The following PKHD1L1 variants were observed in gnomAD, a reference collection of about 807,000 sequenced individuals.
The protein encoded by PKHD1L1 is PKHD1 like 1.
A neutral mutation model predicts 462.9 loss-of-function variants in PKHD1L1; 434 were observed. The observed-to-expected ratio is 0.94, with a 90% CI of 0.87 to 1.02. The LOEUF (loss-of-function observed/expected upper bound fraction) is 1.02. Among genes scored for constraint, PKHD1L1 ranks in the 50% least tolerant of loss-of-function variants. The pLI is 0.00. For synonymous variants in PKHD1L1, 1,781 were observed against 1,750.0 expected, an observed-to-expected ratio of 1.02 and a Z score of -0.44; for missense variants, 5,202 against 5,096.1, an observed-to-expected ratio of 1.02 and a Z score of -0.63.
chr8:109,470,552 C>A, intron 50 of PKHD1L1: 1 of 1,608,292 alleles, frequency 6.2e-7, no homozygotes, highest in Admixed American at 1.7e-5. Context: ...TCCTTTATTG[C>A]AGGAACTATT....
At chr8:109,373,378 A>G (rs1811623738) in intron 2 of PKHD1L1, among the ~76,000 whole-genome samples, 1 of 151,988 alleles carries the variant, frequency 6.6e-6, no homozygotes, top group Non-Finnish European at 1.5e-5. Context: ...TATTGTGTCT[A>G]TTTGATTCTT....
chr8:109,490,030 C>A lies in PKHD1L1; in HGVS notation c.9959C>A (p.Ala3320Asp). The change falls in exon 60 of 78, where the codon GCT (alanine) becomes GAT (aspartate). Residue 3320 changes from alanine to aspartate, a missense_variant. By Grantham distance (126) the Ala-to-Asp change is moderately radical. This residue lies in a region of PKHD1L1 where 4,497 missense variants were observed against 4,336.8 expected (regional missense o/e 1.04). Transcript: ENST00000378402. ...GFRDSTDPRYAVTFLNLGQIQ... is the reference protein window; with the variant it reads ...GFRDSTDPRYDVTFLNLGQIQ... Reference sequence around the variant, plus strand: ...AGGGATAGCACAGATCCAAGATATGCTGTAACGTTTCTTAACCTAGGACAG... The same window carrying A: ...AGGGATAGCACAGATCCAAGATATGATGTAACGTTTCTTAACCTAGGACAG... 6.2e-7 allele frequency: 1 copy of A among 1,605,932 alleles called. No individual in the cohort carries two copies. The highest frequency in any genetic ancestry group is 8.5e-7 in the Non-Finnish European group (1 of 1,174,130).
chr8:109,433,629 T>C (rs569040990), intron 28 of PKHD1L1, among the ~76,000 whole-genome samples: 2 of 152,310 alleles, frequency 1.3e-5, no homozygotes, highest in Non-Finnish European at 1.5e-5. Flanking sequence ...TCCAGTCCCA[T>C]TGAACCTCTC....
At chr8:109,451,258 C>T (rs922832236) in intron 41 of PKHD1L1, 109 bp downstream of exon 41, 1 of 1,160,658 alleles carries the variant, frequency 8.6e-7, no homozygotes, top group Non-Finnish European at 1.2e-6. Context: ...GCAATGTGTA[C>T]CTATATGCTC....
intron 21 of PKHD1L1, among the ~76,000 whole-genome samples, chr8:109,414,985 TATTATTATTATTA>T (rs1183486804): frequency 2.0e-5 from 3 of 147,092 alleles, no homozygotes; most frequent in African/African-American, 7.5e-5. Context: ...TTATTATTAT[TATTATTATTATTA>T]TTATTATTAT....
Position 109,433,574 on chromosome 8 carries a change from T to TTTTGACA in PKHD1L1, c.3340+359_3340+365dup, listed in dbSNP as rs1374339091. Among the ~76,000 whole-genome samples, 10 of 152,262 alleles carry TTTTGACA rather than the reference T, an allele frequency of 6.6e-5. No homozygotes were observed. The East Asian group carries it at 1.7e-3, about 26-fold the overall frequency. On this transcript the variant is annotated intron_variant, in intron 28 of 77. Coordinates refer to ENST00000378402, the MANE Select transcript of PKHD1L1 (RefSeq NM_177531.6). ...TGTTCCATGGTCCTGTCTGCCCATG[T>TTTTGACA]TTTGACAATGCCATGCAGGAAGAGG...
At chr8:109,369,629 A>ATG (rs1811397315) in intron 2 of PKHD1L1, among the ~76,000 whole-genome samples, 1 of 151,452 alleles carries the variant, frequency 6.6e-6, no homozygotes, top group African/African-American at 2.4e-5. Context: ...AGGAAAATAT[A>ATG]TATATATATA....
At chr8:109,500,765 G>A (rs964890179) in intron 67 of PKHD1L1, among the ~76,000 whole-genome samples, 2 of 151,704 alleles carry the variant, frequency 1.3e-5, no homozygotes, top group Non-Finnish European at 2.9e-5. Flanking sequence ...ACTAACAGTG[G>A]GCATATACCC....
At chr8:109,482,379 T>C (rs898507917) in intron 56 of PKHD1L1, among the ~76,000 whole-genome samples, 1 of 151,820 alleles carries the variant, frequency 6.6e-6, no homozygotes, top group African/African-American at 2.4e-5. Flanking sequence ...TAGAACAGTA[T>C]GAAGAAAACA....
At chr8:109,387,836 GAT>G (rs1812513576) in intron 6 of PKHD1L1, among the ~76,000 whole-genome samples, 2 of 152,136 alleles carry the variant, frequency 1.3e-5, no homozygotes, top group Non-Finnish European at 2.9e-5. Context: ...CCCAAAAGCT[GAT>G]AGTTTATTCT....
intron 21 of PKHD1L1, among the ~76,000 whole-genome samples, chr8:109,414,408 A>G (rs1814021753): frequency 6.6e-6 from 1 of 152,148 alleles, no homozygotes; most frequent in African/African-American, 2.4e-5. Context: ...TCTCTCTACA[A>G]TTGTAGAAGT....
intron 45 of PKHD1L1, among the ~76,000 whole-genome samples, chr8:109,455,502 T>C (rs1816770833): frequency 6.6e-6 from 1 of 152,186 alleles, no homozygotes; most frequent in African/African-American, 2.4e-5. Context: ...GTAGTACCTG[T>C]CTGTGATTGC....
At chr8:109,392,268 C>T (rs796395142) in intron 9 of PKHD1L1, among the ~76,000 whole-genome samples, 6 of 152,198 alleles carry the variant, frequency 3.9e-5, no homozygotes, top group African/African-American at 1.4e-4. Context: ...GTATGAAAGG[C>T]ATTAATTGCC....
At chr8:109,420,112 A>G (rs1019499680) in intron 22 of PKHD1L1, among the ~76,000 whole-genome samples, 6 of 152,224 alleles carry the variant, frequency 3.9e-5, no homozygotes, top group Admixed American at 6.5e-5. Flanking sequence ...AGAGCAATGA[A>G]GATGACAATC....
chr8:109,508,272 T>A lies in PKHD1L1; in HGVS notation c.11395+8T>A, dbSNP rs559522348. ...ATGTTGATCTTATTAATGGTAGGTA[T>A]TCAATATGAGTAAACTACAATTACT... On this transcript the variant is annotated splice_region_variant and intron_variant, in intron 70 of 77. Coordinates refer to ENST00000378402, the MANE Select transcript of PKHD1L1 (RefSeq NM_177531.6). The A allele has an allele frequency of 1.1e-5, 17 of 1,594,206 alleles. No homozygotes were observed. In the Admixed American group the frequency reaches 2.9e-4, roughly 27 times the overall value.
intron 2 of PKHD1L1, among the ~76,000 whole-genome samples, chr8:109,371,333 C>T (rs1264928148): frequency 6.6e-6 from 1 of 152,028 alleles, no homozygotes; most frequent in Non-Finnish European, 1.5e-5. Flanking sequence ...TATCCTTTGC[C>T]CACTTTTTGA....
intron 22 of PKHD1L1, among the ~76,000 whole-genome samples, chr8:109,419,789 CTT>C (rs1047363570): frequency 2.6e-5 from 4 of 152,112 alleles, no homozygotes; most frequent in African/African-American, 9.7e-5. Context: ...ACTCCACGAT[CTT>C]TTAAAAAATT....
intron 9 of PKHD1L1, among the ~76,000 whole-genome samples, chr8:109,392,731 G>T (rs944866486): frequency 3.3e-5 from 5 of 151,864 alleles, no homozygotes; most frequent in African/African-American, 1.2e-4. Flanking sequence ...ATTATTTTTT[G>T]AATGTTAAAT....
rs1326304760 is a variant in PKHD1L1 at position 109,400,218 on chromosome 8, A to G, written c.1155A>G (p.Gln385=). ...CTTCCTATATTTGGCTCATGGAACA[A>G]GACACATTTGTTGCACGCTTTAGTG... ...DSASYIWLME[Q]DTFVARFSGF... The change falls in exon 13 of 78, where the codon CAA becomes CAG. Residue 385 remains glutamine (Q), a synonymous_variant. Transcript: ENST00000378402. 5.6e-6 allele frequency: 9 copies of G among 1,613,706 alleles called. No individual in the cohort carries two copies. The highest frequency in any genetic ancestry group is 7.6e-6 in the Non-Finnish European group (9 of 1,179,692).
Sources: gnomAD v4.1 joint callset for allele counts (sites outside exome capture counted in the v4.1 genomes callset) on GRCh38, gnomAD v4.1.1 for gene constraint, gnomAD v4.1.1 regional missense constraint, MANE v1.5 for transcripts, NCBI Gene and HGNC (gene_info 2026-07-23, HGNC 2026-07-21) for gene names.